Variants in RUVBL1 observed in about 807,000 individuals in gnomAD.
RUVBL1 encodes the protein ruvB-like 1.
In RUVBL1, 4 loss-of-function variants were observed where a neutral mutation model predicts 52.4. The observed-to-expected ratio is 0.08, with a 90% CI of 0.04 to 0.17. The LOEUF (loss-of-function observed/expected upper bound fraction) is 0.17, where lower values mean the gene tolerates loss of function less well. RUVBL1 is among the 10% of genes least tolerant of loss of function. The pLI, the probability that RUVBL1 is intolerant of heterozygous loss-of-function variation, is 1.00. For missense variants in RUVBL1, 298 were observed against 572.8 expected, an observed-to-expected ratio of 0.52 and a Z score of 4.90; for synonymous variants, 217 against 214.4, an observed-to-expected ratio of 1.01 and a Z score of -0.10.
intron 1 of RUVBL1, among the ~76,000 whole-genome samples, chr3:128,137,189 TAAAAG>T (rs1450927383): frequency 2.0e-5 from 3 of 151,470 alleles, no homozygotes; most frequent in South Asian, 4.2e-4. Context: ...CTAAAATTAG[TAAAAG>T]AAAAGAAGAT....
At chr3:128,121,827 T>C (rs889833332) in intron 1 of RUVBL1, among the ~76,000 whole-genome samples, 2 of 152,024 alleles carry the variant, frequency 1.3e-5, no homozygotes, top group East Asian at 1.9e-4. Context: ...TTTACAAACC[T>C]TGGAGATGTG....
chr3:128,153,890 A>G, exon 1 of RUVBL1: 2 of 1,434,816 alleles, frequency 1.4e-6, no homozygotes, highest in Non-Finnish European at 1.8e-6. Context: ...CCCGTGTCCG[A>G]ATTCGCTCGA....
In RUVBL1 at chr3:128,067,416, C is replaced by T. The variant is rs376842173; in HGVS notation, c.940-2196G>A. ...CTCACATGCGTTTGGTTTCTTCTTC[C>T]CCAGGACACGTCTTCTGGGGGCCCA... On this transcript the variant is annotated intron_variant, in intron 9 of 9. Transcript: ENST00000464873. This position sits in a 1 kb window ranked among gnomAD's most constrained non-coding sequence, Gnocchi z 4.1. The T allele has an allele frequency of 3.7e-6, 6 of 1,609,088 alleles. No individual in the cohort carries two copies. The highest frequency in any genetic ancestry group is 4.2e-6 in the Non-Finnish European group (5 of 1,178,248).
At position 128,067,460 on chromosome 3, in the gene RUVBL1, G is replaced by A; in HGVS notation, c.940-2240C>T. The A allele has an allele frequency of 6.2e-7, 1 of 1,614,092 alleles. No individual in the cohort carries two copies. Among genetic ancestry groups the A allele is most frequent in the Non-Finnish European group, 8.5e-7 (1 of 1,180,014 alleles). ...GGGCCCAGCACGTGCTTATCCAGTTGGTGGCCTTTGCTATTACCTGTCCCC... is the reference window on the plus strand; with the variant it reads ...GGGCCCAGCACGTGCTTATCCAGTTAGTGGCCTTTGCTATTACCTGTCCCC... On this transcript the variant is annotated intron_variant, in intron 9 of 9. Coordinates refer to the RUVBL1 transcript ENST00000464873. The surrounding 1 kb of genome is among the most constrained non-coding windows in gnomAD (Gnocchi z 4.1).
At chr3:128,119,911 G>A (rs557414509) in intron 1 of RUVBL1, among the ~76,000 whole-genome samples, 9 of 152,282 alleles carry the variant, frequency 5.9e-5, no homozygotes, top group Admixed American at 1.3e-4. Flanking sequence ...GGTAGACAGC[G>A]GCCAGAACGC....
intron 9 of RUVBL1, among the ~76,000 whole-genome samples, chr3:128,074,346 A>C (rs576772956): frequency 2.0e-5 from 3 of 151,728 alleles, no homozygotes; most frequent in Admixed American, 6.6e-5. Flanking sequence ...CATTTACATG[A>C]AATTCTAGAG....
chr3:128,141,692 C>T, intron 1 of RUVBL1, among the ~76,000 whole-genome samples: 1 of 152,162 alleles, frequency 6.6e-6, no homozygotes, highest in Non-Finnish European at 1.5e-5. Context: ...GACGGGGTTT[C>T]ACCATATTGG....
chr3:128,074,766 C>T (rs1052538500), intron 9 of RUVBL1, among the ~76,000 whole-genome samples: 7 of 139,154 alleles, frequency 5.0e-5, no homozygotes, highest in East Asian at 4.4e-4. Flanking sequence ...CACTTGAACC[C>T]GGGAGGCGGT....
intron 1 of RUVBL1, among the ~76,000 whole-genome samples, chr3:128,151,217 G>A (rs2461794): frequency 0.3 from 39,486 of 130,252 alleles, 6,130 homozygotes; most frequent in South Asian, 0.38. Context: ...TATATACACT[G>A]TATATATTCT....
chr3:128,137,066 A>T (rs1388785651), intron 1 of RUVBL1, among the ~76,000 whole-genome samples: 1 of 152,172 alleles, frequency 6.6e-6, no homozygotes, highest in Non-Finnish European at 1.5e-5. Flanking sequence ...TTAAGGATAG[A>T]CCACGTTAGG....
At chr3:128,075,442 T>C (rs568066410) in intron 9 of RUVBL1, among the ~76,000 whole-genome samples, 2 of 152,330 alleles carry the variant, frequency 1.3e-5, no homozygotes, top group Non-Finnish European at 2.9e-5. Context: ...TACACGCCTT[T>C]GGCAATTTTG....
intron 1 of RUVBL1, among the ~76,000 whole-genome samples, chr3:128,132,164 C>T (rs1194323713): frequency 6.6e-6 from 1 of 152,204 alleles, no homozygotes; most frequent in Non-Finnish European, 1.5e-5. Context: ...AGGCAGAATT[C>T]AACCAGCACC....
At chr3:128,123,499 C>A (rs1659385114) in intron 1 of RUVBL1, 85 bp downstream of exon 1, 1 of 1,379,218 alleles carries the variant, frequency 7.3e-7, no homozygotes, top group Non-Finnish European at 9.6e-7. Context: ...GCGCGCGCAT[C>A]CCGCCCCGAG....
chr3:128,120,428 CAGTACACATGTGTGTATAT>C (rs908510344), intron 1 of RUVBL1, among the ~76,000 whole-genome samples: 3 of 151,968 alleles, frequency 2.0e-5, no homozygotes, highest in African/African-American at 7.3e-5. Context: ...TAACCATTTG[CAGTACACATGTGTGTATAT>C]ATACACACAC....
Position 128,104,998 on chromosome 3 carries a change from T to C in RUVBL1, c.362-74A>G, listed in dbSNP as rs1943190438. ...TCACACTGAGAGCCCAAAACTTCCA[T>C]GTCACCAGAACTGCCAAATCAACCT... On this transcript the variant is annotated intron_variant, in intron 3 of 10. Transcript: ENST00000322623. 5 of 1,524,124 alleles carry C rather than the reference T, an allele frequency of 3.3e-6. No homozygotes were observed. In the South Asian group the frequency reaches 3.7e-5, roughly 11 times the overall value. 94.4% of individuals were successfully genotyped at this position (1,524,124 alleles called of 1,614,324 possible). A position where few individuals can be genotyped will look rare whatever the true frequency, so the allele number is the denominator to read the frequency against.
chr3:128,141,116 AG>A (rs1944014807), intron 1 of RUVBL1, among the ~76,000 whole-genome samples: 1 of 152,248 alleles, frequency 6.6e-6, no homozygotes, highest in Non-Finnish European at 1.5e-5. Flanking sequence ...AAGTAAAAAA[AG>A]CAGGTCAATT....
chr3:128,068,314 A>G lies in RUVBL1; in HGVS notation c.940-3094T>C, dbSNP rs3733158. 0.23 allele frequency among the ~76,000 whole-genome samples: 35,147 copies of G among 152,228 alleles called. 4,130 individuals carry two copies. Among genetic ancestry groups the G allele is most frequent in the South Asian group, 0.27 (1,318 of 4,828 alleles). ...GAGATGGAAGCATGTGGCCAGGCGG[A>G]TAGGAGACAGTGCAGTAAGGGTCCT... On this transcript the variant is annotated intron_variant, in intron 9 of 9. Coordinates refer to the RUVBL1 transcript ENST00000464873.
At chr3:128,134,485 A>G (rs1015934485) in intron 1 of RUVBL1, among the ~76,000 whole-genome samples, 2 of 145,556 alleles carry the variant, frequency 1.4e-5, no homozygotes, top group African/African-American at 2.6e-5. Flanking sequence ...AAGACAGGCT[A>G]TTTGAAAATA....
chr3:128,147,223 C>T (rs1944119243), intron 1 of RUVBL1, among the ~76,000 whole-genome samples: 1 of 152,132 alleles, frequency 6.6e-6, no homozygotes, highest in African/African-American at 2.4e-5. Flanking sequence ...GCATGTGCCA[C>T]CATACCTGGC....
Sources: gnomAD v4.1 joint callset for allele counts (sites outside exome capture counted in the v4.1 genomes callset) on GRCh38, gnomAD v4.1.1 for gene constraint, Gnocchi (gnomAD v3.1) non-coding constraint, MANE v1.5 for transcripts, NCBI Gene and HGNC (gene_info 2026-07-23, HGNC 2026-07-21) for gene names.